CSRNP3: variants seen among roughly 807,000 people sequenced by gnomAD.
CSRNP3 encodes cysteine/serine-rich nuclear protein 3.
A neutral mutation model predicts 48.0 loss-of-function variants in CSRNP3; 12 were observed. The observed-to-expected ratio is 0.25, with a 90% CI of 0.16 to 0.41. CSRNP3 has a LOEUF of 0.41. CSRNP3 is among the 10% of genes least tolerant of loss of function. The pLI is 1.00. For synonymous variants in CSRNP3, 263 were observed against 269.7 expected (o/e 0.98, Z 0.24); for missense variants, 580 against 724.4 (o/e 0.80, Z 2.29).
chr2:165,541,861 A>C (rs189792571), intron 3 of CSRNP3, among the ~76,000 whole-genome samples: 102 of 152,174 alleles, frequency 6.7e-4, no homozygotes, highest in African/African-American at 2.3e-3. Flanking sequence ...TACAGCCAAC[A>C]ATTCCCTTCT....
intron 1 of CSRNP3, among the ~76,000 whole-genome samples, chr2:165,479,882 CAA>C (rs574763160): frequency 9.4e-5 from 12 of 127,114 alleles, no homozygotes; most frequent in Admixed American, 2.4e-4. Context: ...AGACCAGTCT[CAA>C]AAAAAAAAAA....
At chr2:165,643,328 G>A (rs2105336024) in intron 4 of CSRNP3, among the ~76,000 whole-genome samples, 1 of 152,306 alleles carries the variant, frequency 6.6e-6, no homozygotes, top group East Asian at 1.9e-4. Context: ...GCAAGCTTGA[G>A]GGATGAGAAA....
At position 165,677,904 on chromosome 2, in the gene CSRNP3, A is replaced by G. The variant is rs148169744; in HGVS notation, c.706-797A>G. The stretch of plus-strand genomic sequence containing the variant: ...CCAAACACTCTATCTTCGGTATCCA[A>G]TCACCAAAATAGTTTTGGAATATTG... On this transcript the variant is annotated intron_variant, in intron 6 of 6. Transcript: ENST00000651982. Among the ~76,000 whole-genome samples, 121 of 152,338 alleles carry G rather than the reference A, an allele frequency of 7.9e-4. 1 individual carries two copies. The East Asian group carries it at 0.013, about 17-fold the overall frequency.
At chr2:165,619,620 CTAT>C (rs1686307585) in intron 4 of CSRNP3, among the ~76,000 whole-genome samples, 2 of 152,084 alleles carry the variant, frequency 1.3e-5, no homozygotes, top group Non-Finnish European at 2.9e-5. Context: ...ATGGAAGACA[CTAT>C]CAAAAAGTGA....
Position 165,679,008 on chromosome 2 carries a change from G to T in CSRNP3, c.1013G>T (p.Cys338Phe). The T allele has an allele frequency of 6.2e-7, 1 of 1,613,936 alleles. No homozygotes were observed. Among genetic ancestry groups the T allele is most frequent in the South Asian group, 1.1e-5 (1 of 91,056 alleles). The change falls in exon 7 of 7, where the codon TGC becomes TTC. Residue 338 changes from cysteine to phenylalanine, a missense_variant. By Grantham distance (205) the Cys-to-Phe change is radical (BLOSUM62 -2). Around this residue, in one of 4 missense-constraint regions of CSRNP3, gnomAD observed 369 missense variants for 380.8 expected, o/e 0.97. Transcript: ENST00000651982. ...CTGCAGTCGGCTGAAGAATTAGATT[G>T]CCAAGGAGAGGAGGAGGAAGAAGAG... is the stretch of plus-strand genomic sequence containing the variant. Reference protein sequence around the residue: ...LHLQSAEELDCQGEEEEEEED... With the variant: ...LHLQSAEELDFQGEEEEEEED...
At chr2:165,568,937 G>A (rs1293050656) in intron 3 of CSRNP3, among the ~76,000 whole-genome samples, 2 of 151,810 alleles carry the variant, frequency 1.3e-5, no homozygotes, top group Admixed American at 6.6e-5. Flanking sequence ...ATAAATAAAT[G>A]TATACATAAA....
At chr2:165,677,986 A>AG (rs369993345) in intron 6 of CSRNP3, among the ~76,000 whole-genome samples, 13 of 152,136 alleles carry the variant, frequency 8.5e-5, no homozygotes, top group Admixed American at 6.5e-5. Context: ...TGGAGAGGGA[A>AG]GGGGGGACTC....
At chr2:165,563,199 C>T (rs1010943963) in intron 3 of CSRNP3, among the ~76,000 whole-genome samples, 3 of 152,042 alleles carry the variant, frequency 2.0e-5, no homozygotes, top group Admixed American at 1.3e-4. Flanking sequence ...TGAGAAGGAC[C>T]CCATACTTCT....
intron 3 of CSRNP3, among the ~76,000 whole-genome samples, chr2:165,579,932 T>C (rs1200827890): frequency 1.4e-5 from 2 of 138,522 alleles, no homozygotes; most frequent in Non-Finnish European, 3.1e-5. Flanking sequence ...TTTTTTTTTT[T>C]TTTTTTTTTT....
At chr2:165,547,414 T>G (rs1287599029) in intron 3 of CSRNP3, among the ~76,000 whole-genome samples, 1 of 152,030 alleles carries the variant, frequency 6.6e-6, no homozygotes, top group African/African-American at 2.4e-5. Flanking sequence ...GACAAGAGCC[T>G]GCTTCCCAGT....
At chr2:165,642,914 C>T (rs1573939186) in intron 4 of CSRNP3, among the ~76,000 whole-genome samples, 1 of 152,028 alleles carries the variant, frequency 6.6e-6, no homozygotes, top group East Asian at 1.9e-4. Flanking sequence ...TGTATTCTGT[C>T]ATTTAGAAAC....
chr2:165,678,916 C>G lies in CSRNP3; in HGVS notation c.921C>G (p.His307Gln). 6.2e-7 allele frequency: 1 copy of G among 1,614,032 alleles called. No individual in the cohort carries two copies. Among genetic ancestry groups the G allele is most frequent in the Non-Finnish European group, 8.5e-7 (1 of 1,179,998 alleles). The change falls in exon 7 of 7, where the codon CAC becomes CAG. Residue 307 changes from histidine (H) to glutamine (Q), a missense_variant. By Grantham distance (24) the His-to-Gln change is conservative. Around this residue, in one of 4 missense-constraint regions of CSRNP3, gnomAD observed 369 missense variants for 380.8 expected, o/e 0.97. Coordinates refer to ENST00000651982, the MANE Select transcript of CSRNP3 (RefSeq NM_001172173.2). ...GTAGTTCTATGGGCCCTGTCGCTCA[C>G]TCCGTAGAATATTCAATCGCAGACA... ...AHSSSMGPVA[H>Q]SVEYSIADSF...
chr2:165,474,684 T>G (rs1372420386), intron 1 of CSRNP3, among the ~76,000 whole-genome samples: 2 of 152,202 alleles, frequency 1.3e-5, no homozygotes, highest in African/African-American at 4.8e-5. Flanking sequence ...GTATTAAATA[T>G]TAGATATAGT....
chr2:165,661,729 T>C (rs537548425), intron 5 of CSRNP3, among the ~76,000 whole-genome samples: 1 of 152,270 alleles, frequency 6.6e-6, no homozygotes, highest in African/African-American at 2.4e-5. Context: ...AAAGACAAAC[T>C]TTGCTCACTG....
intron 6 of CSRNP3, among the ~76,000 whole-genome samples, chr2:165,676,922 A>G (rs942218664): frequency 2.6e-5 from 4 of 152,170 alleles, no homozygotes; most frequent in Admixed American, 2.0e-4. Flanking sequence ...CTTTTTACCA[A>G]TGTTGAAGGA....
At chr2:165,581,690 C>T (rs1164975665) in intron 3 of CSRNP3, among the ~76,000 whole-genome samples, 1 of 152,062 alleles carries the variant, frequency 6.6e-6, no homozygotes, top group East Asian at 1.9e-4. Context: ...GAATGCATCA[C>T]CATGCCCAGC....
Position 165,663,662 on chromosome 2 carries a change from G to A in CSRNP3, c.408+5642G>A, listed in dbSNP as rs550052859. Among the ~76,000 whole-genome samples the A allele has an allele frequency of 1.7e-4, 26 of 152,230 alleles. 1 individual carries two copies. The South Asian group carries it at 5.2e-3, about 30-fold the overall frequency. On this transcript the variant is annotated intron_variant, in intron 5 of 6. Coordinates refer to ENST00000651982, the MANE Select transcript of CSRNP3 (RefSeq NM_001172173.2). ...CAACAACCATTGGACTGTTAATTTA[G>A]GGAAGTCAATTGCACTGATTCTACT... is the stretch of plus-strand genomic sequence containing the variant.
intron 1 of CSRNP3, among the ~76,000 whole-genome samples, chr2:165,492,775 CTTCT>C (rs1288169950): frequency 6.9e-6 from 1 of 144,518 alleles, no homozygotes; most frequent in Non-Finnish European, 1.5e-5. Flanking sequence ...GTCGATGTTG[CTTCT>C]TTGTCACTCC....
intron 4 of CSRNP3, among the ~76,000 whole-genome samples, chr2:165,626,527 C>G (rs1388538215): frequency 6.6e-6 from 1 of 152,188 alleles, no homozygotes; most frequent in Non-Finnish European, 1.5e-5. Flanking sequence ...TTCCGTATTT[C>G]CTTGTCCAAA....
Sources: allele counts gnomAD v4.1 joint callset (sites outside exome capture counted in the v4.1 genomes callset), GRCh38; gene constraint gnomAD v4.1.1; regional missense constraint gnomAD v4.1.1; transcripts MANE v1.5; gene names NCBI Gene and HGNC (gene_info 2026-07-23, HGNC 2026-07-21).